The following ERC1 variants were observed in gnomAD, a reference collection of about 807,000 sequenced individuals.
ERC1 encodes ELKS/RAB6-interacting/CAST family member 1.
Under a neutral mutation model 132.0 loss-of-function variants are expected in ERC1, and 56 were observed. That is an observed-to-expected ratio of 0.42 (90% CI 0.34 to 0.53). The LOEUF (loss-of-function observed/expected upper bound fraction) is 0.53, where lower values mean the gene tolerates loss of function less well. Ranked by LOEUF, ERC1 falls within the 20% of genes least tolerant of loss-of-function variation. The pLI, the probability that ERC1 is intolerant of heterozygous loss-of-function variation, is 0.03. For synonymous variants in ERC1, 478 were observed against 476.1 expected (o/e 1.00, Z -0.05); for missense variants, 1,202 against 1,349.9 (o/e 0.89, Z 1.72).
chr12:1,486,013 G>A (rs1464379126), intron 18 of ERC1, among the ~76,000 whole-genome samples: 1 of 152,340 alleles, frequency 6.6e-6, no homozygotes, highest in East Asian at 1.9e-4. Context: ...ACCCCGTACA[G>A]TTCATTGACT....
chr12:1,333,611 G>T (rs1160059166), intron 15 of ERC1, among the ~76,000 whole-genome samples: 1 of 152,054 alleles, frequency 6.6e-6, no homozygotes, highest in Non-Finnish European at 1.5e-5. Flanking sequence ...GATTACAGGC[G>T]TGAGCCACCG....
intron 7 of ERC1, among the ~76,000 whole-genome samples, chr12:1,121,917 C>G (rs774043392): frequency 1.6e-4 from 1 of 6,346 alleles, no homozygotes; most frequent in Non-Finnish European, 8.5e-4. Context: ...ATCTCTATCT[C>G]TATCTCTATC....
At chr12:1,259,669 C>T (rs1038120715) in intron 13 of ERC1, among the ~76,000 whole-genome samples, 5 of 151,754 alleles carry the variant, frequency 3.3e-5, no homozygotes, top group Admixed American at 2.6e-4. Context: ...ATTACAGGCG[C>T]CCGCCACAAC....
chr12:1,441,406 C>T (rs751077504), intron 17 of ERC1, among the ~76,000 whole-genome samples: 3 of 152,250 alleles, frequency 2.0e-5, no homozygotes, highest in East Asian at 1.9e-4. Flanking sequence ...AGTCAGCATC[C>T]GCAGTCATAG....
chr12:1,457,762 G>T (rs1053455885), intron 18 of ERC1, among the ~76,000 whole-genome samples: 1 of 152,092 alleles, frequency 6.6e-6, no homozygotes, highest in East Asian at 1.9e-4. Context: ...GTATGGTGGT[G>T]CATGCCTGTG....
chr12:1,374,390 A>C (rs1203891194), intron 16 of ERC1, among the ~76,000 whole-genome samples: 1 of 150,606 alleles, frequency 6.6e-6, no homozygotes, highest in Non-Finnish European at 1.5e-5. Flanking sequence ...CCGCCCCCCC[A>C]CCCCCTACAG....
At chr12:1,420,291 A>G (rs1007441827) in intron 17 of ERC1, among the ~76,000 whole-genome samples, 3 of 152,234 alleles carry the variant, frequency 2.0e-5, no homozygotes, top group Non-Finnish European at 4.4e-5. Flanking sequence ...TTCATTCAAT[A>G]GAGATACAAA....
chr12:1,225,449 T>TAAAACACACACACACACACAC (rs139203394), intron 12 of ERC1, among the ~76,000 whole-genome samples: 16 of 131,846 alleles, frequency 1.2e-4, no homozygotes, highest in African/African-American at 2.9e-4. Flanking sequence ...GGCTGTCTCT[T>TAAAACACACACACACACACAC]ACACACACAC....
intron 12 of ERC1, among the ~76,000 whole-genome samples, chr12:1,222,224 C>CT (rs398116013): frequency 0.31 from 45,838 of 145,812 alleles, 9,072 homozygotes; most frequent in African/African-American, 0.57. Context: ...TACATATTCT[C>CT]TTTTTTTTTT....
intron 18 of ERC1, among the ~76,000 whole-genome samples, chr12:1,485,208 T>C (rs113099675): frequency 3.5e-4 from 45 of 128,350 alleles, no homozygotes; most frequent in African/African-American, 1.7e-3. Context: ...TTTCTTTTTT[T>C]TTTTTTTTTT....
At chr12:1,188,156 G>A (rs759489044) in intron 11 of ERC1, among the ~76,000 whole-genome samples, 16 of 152,086 alleles carry the variant, frequency 1.1e-4, no homozygotes, top group Non-Finnish European at 2.1e-4. Flanking sequence ...CATCTTTTGT[G>A]CCCCTACATC....
chr12:1,325,258 G>A (rs1311510891), intron 15 of ERC1, among the ~76,000 whole-genome samples: 1 of 152,110 alleles, frequency 6.6e-6, no homozygotes, highest in Non-Finnish European at 1.5e-5. Flanking sequence ...CTGGGAGTCT[G>A]TATTGCTGAA....
At chr12:1,487,541 A>AAAAAAAAAAAAAG (rs1312654989) in intron 18 of ERC1, among the ~76,000 whole-genome samples, 1 of 150,758 alleles carries the variant, frequency 6.6e-6, no homozygotes, top group Admixed American at 6.6e-5. Context: ...CGCACCTCTA[A>AAAAAAAAAAAAAG]AAAAGAAAAA....
chr12:1,075,927 A>G (rs1182456593), intron 2 of ERC1, among the ~76,000 whole-genome samples: 5 of 152,162 alleles, frequency 3.3e-5, no homozygotes, highest in Admixed American at 6.5e-5. Context: ...GCAGACCCTC[A>G]AAGTTCAAAC....
At chr12:1,286,450 C>T (rs1162196425) in intron 14 of ERC1, among the ~76,000 whole-genome samples, 1 of 151,932 alleles carries the variant, frequency 6.6e-6, no homozygotes, top group Non-Finnish European at 1.5e-5. Flanking sequence ...AAGGGAATTT[C>T]CTTAACTTAA....
intron 8 of ERC1, among the ~76,000 whole-genome samples, chr12:1,144,227 A>G (rs1175114611): frequency 6.6e-6 from 1 of 152,198 alleles, no homozygotes; most frequent in Non-Finnish European, 1.5e-5. Flanking sequence ...CATCTAAATA[A>G]AGTGAATTAA....
intron 2 of ERC1, among the ~76,000 whole-genome samples, chr12:1,041,445 G>A (rs1970200476): frequency 1.3e-5 from 2 of 152,164 alleles, no homozygotes; most frequent in African/African-American, 4.8e-5. Context: ...GACCTCAGGT[G>A]ATCCACCTGC....
At position 1,495,402 on chromosome 12, in the gene ERC1, A is replaced by G; in HGVS notation, c.*5172A>G. Reference sequence around the variant, plus strand: ...TGACCCCAGAGAAGCCACTGTCAGGAAAGGAAGTGAACCCTACTGAAGCCA... The same window carrying G: ...TGACCCCAGAGAAGCCACTGTCAGGGAAGGAAGTGAACCCTACTGAAGCCA... On this transcript the variant is annotated 3_prime_UTR_variant, in exon 19 of 19. Transcript: ENST00000360905. 4.4e-6 allele frequency: 1 copy of G among 228,050 alleles called. No homozygotes were observed. 14.1% of individuals were successfully genotyped at this position (228,050 alleles called of 1,614,324 possible).
chr12:1,171,673 C>T (rs1356349969), intron 8 of ERC1, among the ~76,000 whole-genome samples: 1 of 152,128 alleles, frequency 6.6e-6, no homozygotes, highest in Non-Finnish European at 1.5e-5. Context: ...GAGGCACCCT[C>T]AAAAATGTTC....
Sources: allele counts gnomAD v4.1 joint callset (sites outside exome capture counted in the v4.1 genomes callset), GRCh38; gene constraint gnomAD v4.1.1; transcripts MANE v1.5; gene names NCBI Gene and HGNC (gene_info 2026-07-23, HGNC 2026-07-21).